The following CNTNAP4 variants were observed in gnomAD, a reference collection of about 807,000 sequenced individuals.
CNTNAP4 encodes contactin-associated protein-like 4.
A neutral mutation model predicts 148.4 loss-of-function variants in CNTNAP4; 98 were observed. That is an observed-to-expected ratio of 0.66 (90% CI 0.56 to 0.78). CNTNAP4 has a LOEUF of 0.78. CNTNAP4 is among the 30% of genes least tolerant of loss of function. The probability of loss-of-function intolerance (pLI) is 0.00; values close to 1 mark genes in which losing one functional copy is unlikely to be tolerated. For synonymous variants in CNTNAP4, 730 were observed against 565.1 expected (o/e 1.29, Z -4.14); for missense variants, 1,935 against 1,565.6 (o/e 1.24, Z -3.98).
chr16:76,281,431 C>G (rs553835445), intron 1 of CNTNAP4, among the ~76,000 whole-genome samples: 1 of 152,132 alleles, frequency 6.6e-6, no homozygotes, highest in South Asian at 2.1e-4. Context: ...TTACATGCAT[C>G]TCAATAATCT....
intron 13 of CNTNAP4, among the ~76,000 whole-genome samples, chr16:76,490,129 A>G (rs1319798738): frequency 6.6e-6 from 1 of 152,222 alleles, no homozygotes; most frequent in Non-Finnish European, 1.5e-5. Context: ...TCTTCCTGGC[A>G]TTAATTGGAT....
At chr16:76,324,680 T>C (rs956237237) in intron 2 of CNTNAP4, among the ~76,000 whole-genome samples, 7 of 152,168 alleles carry the variant, frequency 4.6e-5, no homozygotes, top group Admixed American at 1.3e-4. Flanking sequence ...TGCCATGTCA[T>C]ACAACTGGCA....
intron 14 of CNTNAP4, among the ~76,000 whole-genome samples, chr16:76,497,460 C>G (rs1485974552): frequency 6.6e-6 from 1 of 151,412 alleles, no homozygotes; most frequent in Non-Finnish European, 1.5e-5. Context: ...TGGAATAAAC[C>G]AAGAGGAGGC....
chr16:76,548,295 CTTTTTTTTTTT>C (rs66981960), intron 21 of CNTNAP4, among the ~76,000 whole-genome samples: 1 of 92,908 alleles, frequency 1.1e-5, no homozygotes, highest in Non-Finnish European at 2.1e-5. Context: ...TTCACTGCAC[CTTTTTTTTTTT>C]TTTTTTTTTT....
At chr16:76,304,875 T>A (rs1016327805) in intron 1 of CNTNAP4, among the ~76,000 whole-genome samples, 1 of 152,198 alleles carries the variant, frequency 6.6e-6, no homozygotes, top group African/African-American at 2.4e-5. Context: ...GTTTGTAACC[T>A]TTAAGATAGA....
chr16:76,450,907 G>A (rs1284292790), intron 7 of CNTNAP4, among the ~76,000 whole-genome samples: 1 of 152,230 alleles, frequency 6.6e-6, no homozygotes, highest in Non-Finnish European at 1.5e-5. Flanking sequence ...GGCAGGGGAA[G>A]TGCGAGGATC....
intron 3 of CNTNAP4, among the ~76,000 whole-genome samples, chr16:76,410,716 C>T (rs980275468): frequency 1.3e-5 from 2 of 151,580 alleles, no homozygotes; most frequent in Admixed American, 6.6e-5. Context: ...CTAAATTGTA[C>T]AGAATCTGAA....
At chr16:76,412,444 A>G (rs570550029) in intron 3 of CNTNAP4, among the ~76,000 whole-genome samples, 3 of 151,426 alleles carry the variant, frequency 2.0e-5, no homozygotes, top group Non-Finnish European at 4.4e-5. Flanking sequence ...TTTAATGGAA[A>G]TTATACCAAT....
At chr16:76,388,130 T>C (rs1449028261) in intron 3 of CNTNAP4, among the ~76,000 whole-genome samples, 1 of 152,208 alleles carries the variant, frequency 6.6e-6, no homozygotes, top group African/African-American at 2.4e-5. Context: ...GTGATTACTT[T>C]ACAAGTTCCT....
chr16:76,515,720 C>A (rs1043441604), intron 15 of CNTNAP4, among the ~76,000 whole-genome samples: 1 of 151,942 alleles, frequency 6.6e-6, no homozygotes, highest in Admixed American at 6.6e-5. Context: ...GAAATGATAC[C>A]CAGCATCATC....
At chr16:76,494,746 G>A (rs193106272) in intron 13 of CNTNAP4, among the ~76,000 whole-genome samples, 164 bp from the exon 14 acceptor site, 36 of 152,204 alleles carry the variant, frequency 2.4e-4, no homozygotes, top group Non-Finnish European at 4.9e-4. Context: ...TGTTCTTAAG[G>A]AAATGCCAGC....
intron 2 of CNTNAP4, among the ~76,000 whole-genome samples, chr16:76,334,821 C>G (rs1175862373): frequency 6.6e-6 from 1 of 152,028 alleles, no homozygotes; most frequent in Non-Finnish European, 1.5e-5. Flanking sequence ...AATATGAGAG[C>G]TACTTATTTT....
Position 76,448,963 on chromosome 16 carries a change from A to T in CNTNAP4, c.927+12A>T, listed in dbSNP as rs1319409507. The T allele has an allele frequency of 6.2e-6, 10 of 1,608,862 alleles. No homozygotes were observed. The highest frequency in any genetic ancestry group is 1.7e-5 in the Admixed American group (1 of 59,652). The stretch of plus-strand genomic sequence containing the variant: ...ATCTTGATTATGAGGTGTGATGGTT[A>T]TGTTTCAATTAATGCTGATTTTATT... On this transcript the variant is annotated intron_variant, in intron 6 of 23. Transcript: ENST00000611870.
At chr16:76,415,532 A>G (rs2078942334) in intron 3 of CNTNAP4, among the ~76,000 whole-genome samples, 1 of 151,082 alleles carries the variant, frequency 6.6e-6, no homozygotes, top group African/African-American at 2.4e-5. Context: ...ATAGTACAAT[A>G]CTATTTATTA....
chr16:76,448,273 C>T (rs1354956359), intron 5 of CNTNAP4, 58 bp downstream of exon 5: 1 of 1,236,490 alleles, frequency 8.1e-7, no homozygotes, highest in African/African-American at 1.5e-5. Context: ...ACCTAAGTCA[C>T]TTTATGCTTT....
intron 11 of CNTNAP4, among the ~76,000 whole-genome samples, chr16:76,477,226 C>G (rs1226565653): frequency 6.6e-6 from 1 of 152,080 alleles, no homozygotes; most frequent in African/African-American, 2.4e-5. Context: ...ATTTGTTTTT[C>G]TGATGAAATG....
At chr16:76,505,864 C>A (rs2082820155) in intron 15 of CNTNAP4, among the ~76,000 whole-genome samples, 1 of 96,354 alleles carries the variant, frequency 1.0e-5, no homozygotes, top group Admixed American at 1.0e-4. Context: ...TGCACCACTG[C>A]ACTACAGCCT....
chr16:76,494,268 A>G (rs1374804654), intron 13 of CNTNAP4, among the ~76,000 whole-genome samples: 2 of 152,128 alleles, frequency 1.3e-5, no homozygotes, highest in Non-Finnish European at 2.9e-5. Context: ...GGAAACTTCC[A>G]TTGAGTGTAA....
intron 12 of CNTNAP4, among the ~76,000 whole-genome samples, chr16:76,483,807 G>A (rs1029440402): frequency 6.6e-6 from 1 of 152,148 alleles, no homozygotes; most frequent in African/African-American, 2.4e-5. Flanking sequence ...AATTTTTGCA[G>A]CTCTGTTTGT....
Sources: gnomAD v4.1 joint callset for allele counts (sites outside exome capture counted in the v4.1 genomes callset) on GRCh38, gnomAD v4.1.1 for gene constraint, MANE v1.5 for transcripts, NCBI Gene and HGNC (gene_info 2026-07-23, HGNC 2026-07-21) for gene names.